CNBD1: variants seen among roughly 807,000 people sequenced by gnomAD.
CNBD1 encodes cyclic nucleotide-binding domain-containing protein 1.
CNBD1 carries 71 observed loss-of-function variants against 54.4 expected under a neutral mutation model. The observed-to-expected ratio is 1.30, with a 90% CI of 1.08 to 1.59. CNBD1 has a LOEUF of 1.59. Ranked by LOEUF, CNBD1 falls within the 40% of genes most tolerant of loss-of-function variation. The probability of loss-of-function intolerance (pLI) is 0.00; values close to 1 mark genes in which losing one functional copy is unlikely to be tolerated. For missense variants in CNBD1, 659 were observed against 518.0 expected (o/e 1.27, Z -2.64); for synonymous variants, 182 against 170.7 (o/e 1.07, Z -0.51).
intron 4 of CNBD1, among the ~76,000 whole-genome samples, chr8:87,199,824 A>G (rs1211113724): frequency 6.6e-6 from 1 of 152,164 alleles, no homozygotes; most frequent in Non-Finnish European, 1.5e-5. Context: ...AACTTTACAT[A>G]TACCTGTATT....
At chr8:86,973,616 C>A (rs558427466) in intron 4 of CNBD1, among the ~76,000 whole-genome samples, 1 of 152,292 alleles carries the variant, frequency 6.6e-6, no homozygotes, top group South Asian at 2.1e-4. Context: ...TAAGCTTCAT[C>A]ATGCAGAAGT....
At chr8:87,377,611 A>G (rs1042521630) in intron 10 of CNBD1, among the ~76,000 whole-genome samples, 8 of 151,182 alleles carry the variant, frequency 5.3e-5, no homozygotes, top group African/African-American at 2.0e-4. Context: ...CGCAATAAAC[A>G]TACGTGTGCA....
intron 4 of CNBD1, among the ~76,000 whole-genome samples, chr8:87,193,205 G>T (rs1025936484): frequency 7.2e-5 from 11 of 152,002 alleles, no homozygotes; most frequent in African/African-American, 2.4e-4. Context: ...ATAGCATATG[G>T]GACTGAGCCT....
At chr8:87,375,046 A>T (rs1321971223) in intron 10 of CNBD1, among the ~76,000 whole-genome samples, 1 of 151,858 alleles carries the variant, frequency 6.6e-6, no homozygotes, top group Admixed American at 6.6e-5. Flanking sequence ...TGTCCTTAAC[A>T]TTTATAAATC....
intron 4 of CNBD1, among the ~76,000 whole-genome samples, chr8:87,026,622 A>G (rs750516212): frequency 6.6e-6 from 1 of 152,188 alleles, no homozygotes; most frequent in Non-Finnish European, 1.5e-5. Flanking sequence ...AATTCACCAA[A>G]CAAGATCCTT....
intron 8 of CNBD1, among the ~76,000 whole-genome samples, chr8:87,346,727 A>G (rs981207913): frequency 6.6e-6 from 1 of 152,192 alleles, no homozygotes; most frequent in African/African-American, 2.4e-5. Context: ...ATTCCCTAAA[A>G]TAGCATCTTA....
At chr8:87,233,589 A>G (rs1161639454) in intron 5 of CNBD1, among the ~76,000 whole-genome samples, 1 of 152,166 alleles carries the variant, frequency 6.6e-6, no homozygotes, top group Non-Finnish European at 1.5e-5. Context: ...GCTGCTGGCT[A>G]TTCAGGCTGG....
chr8:87,030,593 A>C (rs184523216), intron 4 of CNBD1, among the ~76,000 whole-genome samples: 3 of 152,052 alleles, frequency 2.0e-5, no homozygotes, highest in African/African-American at 7.2e-5. Context: ...ATCTTCTAAA[A>C]TTTTTTTAAA....
chr8:87,118,008 G>C (rs1811809123), intron 4 of CNBD1, among the ~76,000 whole-genome samples: 1 of 151,992 alleles, frequency 6.6e-6, no homozygotes, highest in South Asian at 2.1e-4. Context: ...AATATGTTAA[G>C]CATAATTTAA....
chr8:86,949,127 G>C (rs1807542428), intron 4 of CNBD1, among the ~76,000 whole-genome samples: 1 of 152,122 alleles, frequency 6.6e-6, no homozygotes, highest in South Asian at 2.1e-4. Flanking sequence ...TTTTATGCCA[G>C]TAACATGCCA....
intron 4 of CNBD1, among the ~76,000 whole-genome samples, chr8:86,947,545 A>C (rs1032878034): frequency 3.9e-4 from 59 of 152,158 alleles, no homozygotes; most frequent in African/African-American, 1.3e-3. Context: ...ATTCATGCTC[A>C]ATTTCATTTT....
At chr8:87,087,334 T>C (rs1025960603) in intron 4 of CNBD1, among the ~76,000 whole-genome samples, 34 of 148,354 alleles carry the variant, frequency 2.3e-4, no homozygotes, top group African/African-American at 7.9e-4. Flanking sequence ...ACTAGACATA[T>C]TGGGTGTTTG....
intron 2 of CNBD1, among the ~76,000 whole-genome samples, chr8:87,416,131 A>C (rs1807830059): frequency 6.6e-6 from 1 of 152,016 alleles, no homozygotes; most frequent in South Asian, 2.1e-4. Context: ...ATTTTTAACA[A>C]TATATCTTCA....
Position 87,288,045 on chromosome 8 carries a change from G to A in CNBD1, c.1042+1374G>A, listed in dbSNP as rs542204986. Among the ~76,000 whole-genome samples the A allele has an allele frequency of 5.3e-5, 8 of 151,692 alleles. No individual in the cohort carries two copies. The South Asian group carries it at 1.2e-3, about 24-fold the overall frequency. ...GTAGTAAACTGACTTGTAAAAAATC[G>A]GGAATTGAATATTTCTAAATTCCCC... On this transcript the variant is annotated intron_variant, in intron 8 of 10. Coordinates refer to ENST00000518476, the MANE Select transcript of CNBD1 (RefSeq NM_173538.3).
chr8:86,964,314 C>T (rs1178382852), intron 4 of CNBD1, among the ~76,000 whole-genome samples: 1 of 152,166 alleles, frequency 6.6e-6, no homozygotes, highest in Non-Finnish European at 1.5e-5. Flanking sequence ...CCCGTTTCAT[C>T]ATTGGGGTCC....
intron 8 of CNBD1, among the ~76,000 whole-genome samples, chr8:87,328,266 G>C (rs1314237213): frequency 5.3e-5 from 8 of 152,002 alleles, no homozygotes; most frequent in African/African-American, 1.9e-4. Context: ...TGGCACCCTT[G>C]TCAAGATCAG....
chr8:87,213,156 C>T (rs1406939418), intron 5 of CNBD1, among the ~76,000 whole-genome samples: 2 of 152,160 alleles, frequency 1.3e-5, no homozygotes, highest in South Asian at 2.1e-4. Flanking sequence ...TGGCATACTA[C>T]TCCATCCCCA....
At position 87,382,600 on chromosome 8, in the gene CNBD1, T is replaced by C; in HGVS notation, c.1304-20T>C. ...AGTATTTATTATGTAACTTCTTGTT[T>C]GTTTGTTTGCCTTTTGCAGTGGCCT... On this transcript the variant is annotated intron_variant, in intron 10 of 10. Coordinates refer to ENST00000518476, the MANE Select transcript of CNBD1 (RefSeq NM_173538.3). 1 of 1,536,376 alleles carries C rather than the reference T, an allele frequency of 6.5e-7. No homozygotes were observed. The highest frequency in any genetic ancestry group is 8.8e-7 in the Non-Finnish European group (1 of 1,134,528).
chr8:87,238,237 G>A (rs867748404), intron 6 of CNBD1, among the ~76,000 whole-genome samples: 1 of 152,094 alleles, frequency 6.6e-6, no homozygotes, highest in African/African-American at 2.4e-5. Flanking sequence ...AAAGGGTAGA[G>A]AGAAGTTTCA....
Sources: allele counts gnomAD v4.1 joint callset (sites outside exome capture counted in the v4.1 genomes callset), GRCh38; gene constraint gnomAD v4.1.1; transcripts MANE v1.5; gene names NCBI Gene and HGNC (gene_info 2026-07-23, HGNC 2026-07-21).